GRM8: variants seen among roughly 807,000 people sequenced by gnomAD.
The protein encoded by GRM8 is metabotropic glutamate receptor 8.
GRM8 carries 47 observed loss-of-function variants against 87.2 expected under a neutral mutation model. The observed-to-expected ratio is 0.54, with a 90% CI of 0.43 to 0.69. The LOEUF is 0.69. Ranked by LOEUF, GRM8 falls within the 30% of genes least tolerant of loss-of-function variation. The pLI, the probability that GRM8 is intolerant of heterozygous loss-of-function variation, is 0.00. For synonymous variants in GRM8, 396 were observed against 404.5 expected (o/e 0.98, Z 0.25); for missense variants, 1,019 against 1,139.2 (o/e 0.89, Z 1.52).
chr7:127,015,052 GAAGAAGAAGAAGAAGAAAGA>G, intron 3 of GRM8, among the ~76,000 whole-genome samples: 1 of 119,148 alleles, frequency 8.4e-6, no homozygotes, highest in South Asian at 2.9e-4. Context: ...AGAAGAAGAA[GAAGAAGAAGAAGAAGAAAGA>G]AAGAAGGAGA....
At chr7:127,011,743 C>T (rs559666133) in intron 3 of GRM8, among the ~76,000 whole-genome samples, 1 of 152,092 alleles carries the variant, frequency 6.6e-6, no homozygotes. Flanking sequence ...TAAAATCTTA[C>T]AGAAAGATTA....
intron 9 of GRM8, among the ~76,000 whole-genome samples, chr7:126,491,659 C>T (rs982323481): frequency 6.6e-6 from 1 of 151,992 alleles, no homozygotes; most frequent in African/African-American, 2.4e-5. Context: ...CTTCTGTGAA[C>T]CTTTAGCCAA....
intron 6 of GRM8, among the ~76,000 whole-genome samples, chr7:126,774,064 G>C (rs964450551): frequency 6.6e-6 from 1 of 152,118 alleles, no homozygotes; most frequent in African/African-American, 2.4e-5. Context: ...TGCCACATGT[G>C]AATCAATGAA....
chr7:127,099,258 G>A (rs916117384), intron 3 of GRM8, among the ~76,000 whole-genome samples: 4 of 152,174 alleles, frequency 2.6e-5, no homozygotes, highest in African/African-American at 9.6e-5. Flanking sequence ...TCTAATAGCT[G>A]AGTGTTGTGT....
At chr7:126,630,674 T>C (rs540653653) in intron 7 of GRM8, among the ~76,000 whole-genome samples, 2 of 152,220 alleles carry the variant, frequency 1.3e-5, no homozygotes, top group African/African-American at 4.8e-5. Context: ...CACAAAAGTT[T>C]ATCCAGGATG....
chr7:126,802,652 C>T (rs1234288011), intron 6 of GRM8, among the ~76,000 whole-genome samples: 1 of 152,156 alleles, frequency 6.6e-6, no homozygotes, highest in Non-Finnish European at 1.5e-5. Flanking sequence ...ATTTTTCTGG[C>T]CAGCCTCTTC....
chr7:126,842,066 T>C (rs1796318131), intron 6 of GRM8, among the ~76,000 whole-genome samples: 1 of 152,156 alleles, frequency 6.6e-6, no homozygotes, highest in Non-Finnish European at 1.5e-5. Flanking sequence ...TTAACGTTTT[T>C]GCCAGAGAAA....
intron 7 of GRM8, among the ~76,000 whole-genome samples, chr7:126,627,903 C>T (rs1800856709): frequency 1.3e-5 from 2 of 152,086 alleles, no homozygotes; most frequent in African/African-American, 2.4e-5. Flanking sequence ...ATTCGATCTG[C>T]TAATGTTTTG....
chr7:126,769,162 A>T (rs1162469482), intron 7 of GRM8, among the ~76,000 whole-genome samples: 1 of 152,118 alleles, frequency 6.6e-6, no homozygotes, highest in East Asian at 1.9e-4. Context: ...AGTCATGGGC[A>T]ACAACCATTG....
chr7:127,142,609 T>C (rs1205071206), intron 2 of GRM8, among the ~76,000 whole-genome samples: 1 of 152,152 alleles, frequency 6.6e-6, no homozygotes, highest in Non-Finnish European at 1.5e-5. Context: ...AGCATAAGAA[T>C]GTTTGATGAA....
chr7:126,699,786 A>G (rs1265834450), intron 7 of GRM8, among the ~76,000 whole-genome samples: 9 of 152,162 alleles, frequency 5.9e-5, no homozygotes. Flanking sequence ...AAATGCCCTA[A>G]GCCCACTAGA....
chr7:127,175,125 A>G (rs1794023995), intron 2 of GRM8, among the ~76,000 whole-genome samples: 1 of 152,198 alleles, frequency 6.6e-6, no homozygotes, highest in Admixed American at 6.5e-5. Flanking sequence ...ATGTCTAATG[A>G]TAAAATTAGA....
chr7:126,639,867 G>A (rs1212039751), intron 7 of GRM8, among the ~76,000 whole-genome samples: 1 of 152,212 alleles, frequency 6.6e-6, no homozygotes, highest in Non-Finnish European at 1.5e-5. Flanking sequence ...CTAGTTGGAT[G>A]ATGTGAAGAA....
At chr7:126,953,529 C>G (rs547503862) in intron 3 of GRM8, among the ~76,000 whole-genome samples, 3 of 152,206 alleles carry the variant, frequency 2.0e-5, no homozygotes, top group Admixed American at 1.3e-4. Flanking sequence ...GTGTATTTCA[C>G]TTTTGTTTGC....
At chr7:126,732,993 G>T (rs1047918351) in intron 7 of GRM8, among the ~76,000 whole-genome samples, 1 of 152,002 alleles carries the variant, frequency 6.6e-6, no homozygotes, top group Admixed American at 6.6e-5. Flanking sequence ...TAAAACATTA[G>T]GAAAATTGTC....
intron 6 of GRM8, among the ~76,000 whole-genome samples, chr7:126,863,182 G>C (rs1249820981): frequency 6.6e-6 from 1 of 152,052 alleles, no homozygotes; most frequent in Admixed American, 6.6e-5. Context: ...AATATTGTTT[G>C]ATAGCTATTT....
intron 3 of GRM8, among the ~76,000 whole-genome samples, chr7:126,955,242 T>C (rs1808556418): frequency 6.6e-6 from 1 of 152,184 alleles, no homozygotes; most frequent in African/African-American, 2.4e-5. Flanking sequence ...CATGCCTGGA[T>C]AACAGCCAAT....
chr7:126,847,338 C>A (rs1796791037), intron 6 of GRM8, among the ~76,000 whole-genome samples: 1 of 152,078 alleles, frequency 6.6e-6, no homozygotes, highest in Non-Finnish European at 1.5e-5. Flanking sequence ...GGATGATATA[C>A]AAAGATAAAA....
chr7:127,158,864 G>C (rs1039780544), intron 2 of GRM8, among the ~76,000 whole-genome samples: 1 of 151,670 alleles, frequency 6.6e-6, no homozygotes, highest in South Asian at 2.1e-4. Context: ...AGCTGTAGGT[G>C]GTAGCAATAA....
Sources: allele counts gnomAD v4.1 joint callset (sites outside exome capture counted in the v4.1 genomes callset), GRCh38; gene constraint gnomAD v4.1.1; transcripts MANE v1.5; gene names NCBI Gene and HGNC (gene_info 2026-07-23, HGNC 2026-07-21).